The following KIF16B variants were observed in gnomAD, a reference collection of about 807,000 sequenced individuals.
KIF16B encodes kinesin-like protein KIF16B.
KIF16B carries 98 observed loss-of-function variants against 156.3 expected under a neutral mutation model. The ratio of observed to expected loss-of-function variants is 0.63; its 90% CI spans 0.53 to 0.74. The LOEUF is 0.74. Ranked by LOEUF, KIF16B falls within the 30% of genes least tolerant of loss-of-function variation. The pLI is 0.00. For missense variants in KIF16B, 1,421 were observed against 1,606.5 expected (o/e 0.88, Z 1.97); for synonymous variants, 564 against 583.7 (o/e 0.97, Z 0.49).
At chr20:16,391,672 G>A (rs1378429570) in intron 17 of KIF16B, among the ~76,000 whole-genome samples, 2 of 152,188 alleles carry the variant, frequency 1.3e-5, no homozygotes, top group Non-Finnish European at 2.9e-5. Context: ...CAGGACAATG[G>A]AAGTACAGAA....
At position 16,455,471 on chromosome 20, in the gene KIF16B, ACT is replaced by A. The variant is rs879337830; in HGVS notation, c.1303-25491_1303-25490del. ...GTGAAGGTTGACCTTTCAAACAAAT[ACT>A]GACAAATAAAGGAGGAAGGGATGAC... On this transcript the variant is annotated intron_variant, in intron 12 of 25. Coordinates refer to ENST00000354981, the MANE Select transcript of KIF16B (RefSeq NM_024704.5). Among the ~76,000 whole-genome samples, 5 of 152,288 alleles carry A rather than the reference ACT, an allele frequency of 3.3e-5. No individual in the cohort carries two copies. The East Asian group carries it at 9.6e-4, about 29-fold the overall frequency.
intron 1 of KIF16B, among the ~76,000 whole-genome samples, chr20:16,534,740 T>C (rs1434077340): frequency 6.6e-6 from 1 of 152,130 alleles, no homozygotes; most frequent in African/African-American, 2.4e-5. Flanking sequence ...TCTTATCCAG[T>C]TTTCCCAGCA....
intron 12 of KIF16B, among the ~76,000 whole-genome samples, chr20:16,487,730 C>T (rs1446774561): frequency 2.6e-4 from 40 of 152,150 alleles, no homozygotes; most frequent in Admixed American, 2.6e-3. Flanking sequence ...TATCTTTCAT[C>T]ATTGTGCTAT....
At chr20:16,282,645 G>A (rs1200673456) in intron 25 of KIF16B, among the ~76,000 whole-genome samples, 3 of 152,020 alleles carry the variant, frequency 2.0e-5, no homozygotes, top group Non-Finnish European at 4.4e-5. Context: ...GGGAGGCAGG[G>A]CTTTGGGGCA....
At chr20:16,367,079 G>A (rs942988700) in intron 22 of KIF16B, 13 of 1,467,374 alleles carry the variant, frequency 8.9e-6, no homozygotes, top group Middle Eastern at 1.9e-4. Context: ...TGCCTTGACT[G>A]TTTTCACAAT....
chr20:16,475,949 A>T (rs958436894), intron 12 of KIF16B, among the ~76,000 whole-genome samples: 5 of 152,248 alleles, frequency 3.3e-5, no homozygotes, highest in African/African-American at 1.2e-4. Flanking sequence ...AACTAGCTAC[A>T]AGAAGACATT....
intron 12 of KIF16B, among the ~76,000 whole-genome samples, chr20:16,473,022 G>T (rs1409384014): frequency 6.6e-6 from 1 of 152,038 alleles, no homozygotes; most frequent in Non-Finnish European, 1.5e-5. Context: ...TTTTTTAGCA[G>T]AAAAATTGTT....
At position 16,514,752 on chromosome 20, in the gene KIF16B, G is replaced by A. The variant is rs994360527; in HGVS notation, c.348+796C>T. On this transcript the variant is annotated intron_variant, in intron 4 of 25. Transcript: ENST00000354981. ...CTAAAAATACAAAAATTAGCAGGGC[G>A]TGGTGGTGCACACCTGTAATCTACT... is the stretch of plus-strand genomic sequence containing the variant. Among the ~76,000 whole-genome samples the A allele has an allele frequency of 3.2e-4, 49 of 151,460 alleles. 1 individual carries two copies. The highest frequency in any genetic ancestry group is 1.3e-4 in the Non-Finnish European group (9 of 67,790).
At chr20:16,408,396 A>T (rs1354961073) in intron 15 of KIF16B, among the ~76,000 whole-genome samples, 2 of 152,122 alleles carry the variant, frequency 1.3e-5, no homozygotes, top group Admixed American at 6.6e-5. Flanking sequence ...TTACCATGAT[A>T]AAAAAGGTGT....
intron 12 of KIF16B, among the ~76,000 whole-genome samples, chr20:16,455,688 A>G (rs1304938818): frequency 6.6e-6 from 1 of 152,224 alleles, no homozygotes; most frequent in Non-Finnish European, 1.5e-5. Context: ...AATTTAGAAT[A>G]AGGAGAGAAA....
At chr20:16,396,758 A>T (rs138011581) in intron 17 of KIF16B, among the ~76,000 whole-genome samples, 128 of 150,826 alleles carry the variant, frequency 8.5e-4, no homozygotes, top group African/African-American at 2.7e-3. Context: ...ATTGTCGGTG[A>T]CTTCAGACCA....
chr20:16,566,671 C>G (rs1047499207), intron 1 of KIF16B, among the ~76,000 whole-genome samples: 1 of 152,076 alleles, frequency 6.6e-6, no homozygotes, highest in African/African-American at 2.4e-5. Flanking sequence ...CAATAAAGTG[C>G]CAAGGTATGG....
intron 23 of KIF16B, among the ~76,000 whole-genome samples, chr20:16,353,854 G>C (rs771912904): frequency 6.6e-6 from 1 of 152,210 alleles, no homozygotes; most frequent in African/African-American, 2.4e-5. Flanking sequence ...CAAGGTATCA[G>C]GAGGCCCTGC....
At chr20:16,513,930 C>T (rs186049701) in intron 4 of KIF16B, among the ~76,000 whole-genome samples, 53 of 152,190 alleles carry the variant, frequency 3.5e-4, no homozygotes, top group African/African-American at 1.1e-3. Context: ...TCACTCAACC[C>T]CCACACCCAA....
At chr20:16,327,068 TACACACACACACAC>T (rs35869892) in intron 24 of KIF16B, among the ~76,000 whole-genome samples, 9 of 143,050 alleles carry the variant, frequency 6.3e-5, no homozygotes, top group African/African-American at 1.8e-4. Flanking sequence ...TGTATACATG[TACACACACACACAC>T]ACACACACAC....
At chr20:16,569,554 T>G in intron 1 of KIF16B, among the ~76,000 whole-genome samples, 1 of 152,240 alleles carries the variant, frequency 6.6e-6, no homozygotes, top group East Asian at 1.9e-4. Context: ...GACTGATTAC[T>G]GCAAAGGCCC....
intron 12 of KIF16B, among the ~76,000 whole-genome samples, chr20:16,450,277 T>C (rs1390530795): frequency 6.6e-6 from 1 of 152,184 alleles, no homozygotes; most frequent in Admixed American, 6.5e-5. Flanking sequence ...TTGGTGTTTA[T>C]GCAACTTGGG....
At chr20:16,390,689 C>T (rs1171951317) in intron 17 of KIF16B, among the ~76,000 whole-genome samples, 7 of 152,102 alleles carry the variant, frequency 4.6e-5, no homozygotes, top group African/African-American at 1.7e-4. Context: ...CCAGAAGGAG[C>T]CTCTCAAAAG....
intron 24 of KIF16B, among the ~76,000 whole-genome samples, chr20:16,318,748 TTAAA>T (rs887398665): frequency 6.6e-6 from 1 of 152,246 alleles, no homozygotes; most frequent in East Asian, 1.9e-4. Context: ...AATGACAGAA[TTAAA>T]TAAATAAATG....
Sources: allele counts gnomAD v4.1 joint callset (sites outside exome capture counted in the v4.1 genomes callset), GRCh38; gene constraint gnomAD v4.1.1; transcripts MANE v1.5; gene names NCBI Gene and HGNC (gene_info 2026-07-23, HGNC 2026-07-21).